DENND2B: variants seen among roughly 807,000 people sequenced by gnomAD.
DENND2B encodes the protein DENN domain-containing protein 2B.
DENND2B carries 32 observed loss-of-function variants against 116.0 expected under a neutral mutation model. The observed-to-expected ratio is 0.28, with a 90% CI of 0.21 to 0.37. The LOEUF (loss-of-function observed/expected upper bound fraction) is 0.37. DENND2B is among the 10% of genes least tolerant of loss of function. The pLI, the probability that DENND2B is intolerant of heterozygous loss-of-function variation, is 1.00. For synonymous variants in DENND2B, 588 were observed against 583.9 expected (o/e 1.01, Z -0.10); for missense variants, 1,276 against 1,477.7 (o/e 0.86, Z 2.24).
intron 16 of DENND2B, 43 bp downstream of exon 16, chr11:8,698,890 G>C: frequency 6.2e-7 from 1 of 1,611,376 alleles, no homozygotes. Flanking sequence ...TGATGGTGCA[G>C]GGTGCTCAGG....
intron 1 of DENND2B, among the ~76,000 whole-genome samples, chr11:8,904,367 G>A (rs967484921): frequency 6.6e-6 from 1 of 152,096 alleles, no homozygotes; most frequent in Non-Finnish European, 1.5e-5. Flanking sequence ...GGAATAGAAG[G>A]AAACTTCTTC....
rs572551258 is a variant in DENND2B, at chr11:8,893,565, T to G, written c.-255-12456A>C. Among the ~76,000 whole-genome samples, 353 of 152,258 alleles carry G rather than the reference T, an allele frequency of 2.3e-3. 2 individuals are homozygous for G. The highest frequency in any genetic ancestry group is 3.7e-3 in the Non-Finnish European group (252 of 68,020). The stretch of plus-strand genomic sequence containing the variant: ...TTCAGCAAAGTCTCAGGATACAAAA[T>G]CAATGTGCAAAAATCACAGCATTCT... On this transcript the variant is annotated intron_variant, in intron 1 of 22. Coordinates refer to the DENND2B transcript ENST00000534127.
intron 4 of DENND2B, 26 bp from the exon 5 acceptor site, chr11:8,717,918 G>A (rs765574899): frequency 6.3e-7 from 1 of 1,598,014 alleles, no homozygotes; most frequent in African/African-American, 1.3e-5. Context: ...AGTTAGAGAA[G>A]GGGGAGAAGG....
At chr11:8,747,976 A>G (rs560321353) in intron 2 of DENND2B, among the ~76,000 whole-genome samples, 2 of 152,126 alleles carry the variant, frequency 1.3e-5, no homozygotes, top group South Asian at 4.1e-4. Context: ...TCAAATACAC[A>G]CCTTGACAGT....
intron 2 of DENND2B, among the ~76,000 whole-genome samples, chr11:8,857,901 C>T (rs939719277): frequency 1.3e-5 from 2 of 152,208 alleles, no homozygotes; most frequent in Non-Finnish European, 2.9e-5. Context: ...TCTTCGATTC[C>T]TATATGCTCG....
chr11:8,789,893 C>T (rs997069598), intron 1 of DENND2B, among the ~76,000 whole-genome samples: 1 of 152,174 alleles, frequency 6.6e-6, no homozygotes, highest in South Asian at 2.1e-4. Context: ...TCCAAGAAGA[C>T]CCCGAGCAAC....
At chr11:8,789,827 T>C (rs1220823284) in intron 1 of DENND2B, among the ~76,000 whole-genome samples, 1 of 152,164 alleles carries the variant, frequency 6.6e-6, no homozygotes, top group African/African-American at 2.4e-5. Flanking sequence ...TGGTGGCACA[T>C]GCCTGTAGTC....
At chr11:8,805,723 TCA>T (rs897447639) in intron 1 of DENND2B, among the ~76,000 whole-genome samples, 1 of 152,144 alleles carries the variant, frequency 6.6e-6, no homozygotes, top group Non-Finnish European at 1.5e-5. Context: ...TCTCTCTTAA[TCA>T]CACAGACAGA....
At chr11:8,895,938 T>A (rs1209418366) in intron 1 of DENND2B, among the ~76,000 whole-genome samples, 1 of 152,038 alleles carries the variant, frequency 6.6e-6, no homozygotes, top group African/African-American at 2.4e-5. Flanking sequence ...TTATGTGTAT[T>A]TTACCACAAT....
At chr11:8,718,454 A>C in intron 4 of DENND2B, 2 of 1,513,060 alleles carry the variant, frequency 1.3e-6, no homozygotes, top group Non-Finnish European at 1.8e-6. Flanking sequence ...CAAGTCTTTT[A>C]GGGCAGGGTT....
intron 11 of DENND2B, among the ~76,000 whole-genome samples, chr11:8,708,952 C>CA (rs10569712): frequency 1.1e-3 from 145 of 136,474 alleles, no homozygotes; most frequent in Admixed American, 2.3e-3. Flanking sequence ...AACTCTGTCT[C>CA]AAAAAAAAAA....
At position 8,717,833 on chromosome 11, in the gene DENND2B, G is replaced by T. The variant is rs1420985206; in HGVS notation, c.1537C>A (p.Arg513=). 2 of 1,613,318 alleles carry T rather than the reference G, an allele frequency of 1.2e-6. No individual in the cohort carries two copies. The highest frequency in any genetic ancestry group is 1.7e-6 in the Non-Finnish European group (2 of 1,179,544). Residue 513 remains arginine (R), a synonymous_variant, in exon 5 of 20, where the codon CGA becomes AGA. Coordinates refer to ENST00000313726, the MANE Select transcript of DENND2B (RefSeq NM_213618.2). ...TTCTCAGACAGTTGCTGGGATTTTCGTCCTGCTCTTCGGCTCTTTAAGTCC... is the reference window on the plus strand; with the variant it reads ...TTCTCAGACAGTTGCTGGGATTTTCTTCCTGCTCTTCGGCTCTTTAAGTCC... ...DVDLKSRRAG[R]KSQQLSENSL...
At position 8,885,608 on chromosome 11, in the gene DENND2B, T is replaced by G. The variant is rs186089987; in HGVS notation, c.-255-4499A>C. On this transcript the variant is annotated intron_variant, in intron 1 of 22. Transcript: ENST00000534127. ...CATTCCTGCATTTCTAACTACATAA[T>G]GAGTATTTAAAACATTTAGAAACAA... Among the ~76,000 whole-genome samples the G allele has an allele frequency of 2.0e-4, 30 of 152,322 alleles. 1 individual carries two copies. The highest frequency in any genetic ancestry group is 2.0e-3 in the Admixed American group (30 of 15,290).
intron 2 of DENND2B, among the ~76,000 whole-genome samples, chr11:8,737,854 C>G (rs138709195): frequency 5.9e-5 from 9 of 152,006 alleles, no homozygotes; most frequent in Non-Finnish European, 1.0e-4. Flanking sequence ...CTCAAGCCAT[C>G]TTCCCACCTT....
At chr11:8,858,032 T>A (rs1452100659) in intron 2 of DENND2B, among the ~76,000 whole-genome samples, 6 of 152,228 alleles carry the variant, frequency 3.9e-5, no homozygotes, top group Non-Finnish European at 8.8e-5. Context: ...AGTGCATTCA[T>A]TCAACCAAGA....
At chr11:8,694,265 T>C in intron 19 of DENND2B, 135 bp from the exon 20 acceptor site, 1 of 1,061,598 alleles carries the variant, frequency 9.4e-7, no homozygotes, top group Admixed American at 2.2e-5. Flanking sequence ...TGTGATCTGA[T>C]CCAGGGTAGT....
chr11:8,765,330 G>A (rs938454397), intron 1 of DENND2B, among the ~76,000 whole-genome samples: 29 of 152,188 alleles, frequency 1.9e-4, no homozygotes, highest in African/African-American at 6.5e-4. Context: ...TTCTCAGACT[G>A]TGTGCTGAGG....
chr11:8,869,942 ATC>A (rs1371662157), intron 2 of DENND2B, among the ~76,000 whole-genome samples: 1 of 151,608 alleles, frequency 6.6e-6, no homozygotes, highest in Non-Finnish European at 1.5e-5. Flanking sequence ...GCAAAAAAAA[ATC>A]AATTAAGGGA....
At chr11:8,863,013 T>G (rs1483372515) in intron 2 of DENND2B, among the ~76,000 whole-genome samples, 1 of 152,100 alleles carries the variant, frequency 6.6e-6, no homozygotes, top group Non-Finnish European at 1.5e-5. Flanking sequence ...TCTAGCTAAT[T>G]CTGATCACTG....
Sources: gnomAD v4.1 joint callset for allele counts (sites outside exome capture counted in the v4.1 genomes callset) on GRCh38, gnomAD v4.1.1 for gene constraint, MANE v1.5 for transcripts, NCBI Gene and HGNC (gene_info 2026-07-23, HGNC 2026-07-21) for gene names.